The following ATP8B4 variants were observed in gnomAD, a reference collection of about 807,000 sequenced individuals.
ATP8B4 encodes probable phospholipid-transporting ATPase IM.
ATP8B4 carries 133 observed loss-of-function variants against 145.6 expected under a neutral mutation model. The ratio of observed to expected loss-of-function variants is 0.91; its 90% CI spans 0.79 to 1.05. The LOEUF (loss-of-function observed/expected upper bound fraction) is 1.05. Ranked by LOEUF, ATP8B4 falls within the 50% of genes least tolerant of loss-of-function variation. ATP8B4 has a pLI of 0.00. For synonymous variants in ATP8B4, 507 were observed against 492.9 expected (o/e 1.03, Z -0.38); for missense variants, 1,458 against 1,425.2 (o/e 1.02, Z -0.37).
At chr15:50,045,581 A>G (rs1031029456) in intron 4 of ATP8B4, among the ~76,000 whole-genome samples, 3 of 152,186 alleles carry the variant, frequency 2.0e-5, no homozygotes, top group Non-Finnish European at 4.4e-5. Flanking sequence ...TCAATTTTAC[A>G]TAGCAGCTTC....
intron 5 of ATP8B4, among the ~76,000 whole-genome samples, chr15:50,040,685 G>A (rs903813248): frequency 4.6e-5 from 7 of 152,156 alleles, no homozygotes; most frequent in African/African-American, 7.2e-5. Context: ...GCTCACTCTC[G>A]GGGAGATGCA....
intron 2 of ATP8B4, among the ~76,000 whole-genome samples, chr15:50,076,926 T>C (rs1186000851): frequency 1.3e-5 from 2 of 152,206 alleles, no homozygotes; most frequent in South Asian, 2.1e-4. Flanking sequence ...TACCACAGTG[T>C]ATGAGGGGAT....
intron 6 of ATP8B4, among the ~76,000 whole-genome samples, chr15:50,021,331 T>C (rs889364433): frequency 6.6e-6 from 1 of 152,212 alleles, no homozygotes; most frequent in Non-Finnish European, 1.5e-5. Context: ...CTTTTTATTG[T>C]TCATATAATT....
chr15:50,079,876 G>GCTACAC (rs1429080123), intron 2 of ATP8B4, among the ~76,000 whole-genome samples: 19 of 152,316 alleles, frequency 1.2e-4, no homozygotes, highest in Non-Finnish European at 2.6e-4. Context: ...CTGGAATGCT[G>GCTACAC]CTACACCGTA....
At chr15:50,071,809 T>C (rs2053756471) in intron 3 of ATP8B4, among the ~76,000 whole-genome samples, 1 of 152,178 alleles carries the variant, frequency 6.6e-6, no homozygotes, top group Non-Finnish European at 1.5e-5. Context: ...GGATTTCTTG[T>C]CTCAAGAGCA....
At chr15:49,909,338 G>C (rs933516859) in intron 20 of ATP8B4, among the ~76,000 whole-genome samples, 1 of 152,122 alleles carries the variant, frequency 6.6e-6, no homozygotes, top group Admixed American at 6.5e-5. Context: ...CTGGGGAATG[G>C]CCTGACCAGC....
At chr15:50,075,881 A>G (rs989162475) in intron 2 of ATP8B4, among the ~76,000 whole-genome samples, 2 of 152,168 alleles carry the variant, frequency 1.3e-5, no homozygotes, top group Non-Finnish European at 2.9e-5. Context: ...CATCACCATA[A>G]CCCAGAAGTA....
At position 50,104,796 on chromosome 15, in the gene ATP8B4, C is replaced by G. The variant is rs146154275; in HGVS notation, c.28+2143G>C. 1.7e-3 allele frequency among the ~76,000 whole-genome samples: 257 copies of G among 151,576 alleles called. No homozygotes were observed. In the Middle Eastern group the frequency reaches 0.031, roughly 18 times the overall value. On this transcript the variant is annotated intron_variant, in intron 2 of 27. Transcript: ENST00000284509. ...CACGCATGTTTATAGCAGCACAATT[C>G]TCAATCGCAAAAAATATGGAAGCAG...
chr15:49,914,218 C>T (rs2039511249), intron 20 of ATP8B4, among the ~76,000 whole-genome samples: 1 of 152,080 alleles, frequency 6.6e-6, no homozygotes, highest in Non-Finnish European at 1.5e-5. Flanking sequence ...TAAGTACACA[C>T]ACTAGAGAAC....
chr15:50,079,411 C>T (rs1254298406), intron 2 of ATP8B4, among the ~76,000 whole-genome samples: 1 of 152,104 alleles, frequency 6.6e-6, no homozygotes, highest in East Asian at 1.9e-4. Flanking sequence ...ACAAATGCCA[C>T]AGAATAAAGG....
At chr15:50,084,494 A>G (rs959466184) in intron 2 of ATP8B4, among the ~76,000 whole-genome samples, 6 of 152,102 alleles carry the variant, frequency 3.9e-5, no homozygotes, top group Non-Finnish European at 8.8e-5. Context: ...TCTGGTCTCA[A>G]TGCTTCTGCC....
At chr15:50,124,944 A>G (rs933524232) in intron 1 of ATP8B4, among the ~76,000 whole-genome samples, 1 of 152,234 alleles carries the variant, frequency 6.6e-6, no homozygotes, top group Non-Finnish European at 1.5e-5. Flanking sequence ...TTCATTTCCA[A>G]GTGATGAATG....
At chr15:49,897,047 A>G in intron 23 of ATP8B4, 1 of 427,846 alleles carries the variant, frequency 2.3e-6, no homozygotes, top group East Asian at 3.7e-5. Context: ...TATGCATGGA[A>G]GGAGTACTCA....
chr15:50,157,531 G>A (rs1394749099), intron 1 of ATP8B4, among the ~76,000 whole-genome samples: 2 of 152,150 alleles, frequency 1.3e-5, no homozygotes, highest in Non-Finnish European at 2.9e-5. Flanking sequence ...GTGATTAACT[G>A]AGATTTTAGT....
intron 25 of ATP8B4, among the ~76,000 whole-genome samples, chr15:49,871,779 G>T (rs182920049): frequency 6.6e-6 from 1 of 152,240 alleles, no homozygotes; most frequent in African/African-American, 2.4e-5. Context: ...TCTGCTTCTA[G>T]GCCACCATTT....
intron 20 of ATP8B4, among the ~76,000 whole-genome samples, chr15:49,905,961 C>T (rs188329185): frequency 1.2e-3 from 181 of 149,414 alleles, no homozygotes; most frequent in Middle Eastern, 6.9e-3. Context: ...CATATATATA[C>T]ACACACACAC....
intron 2 of ATP8B4, among the ~76,000 whole-genome samples, chr15:50,078,488 G>A (rs113504906): frequency 1.3e-5 from 2 of 151,716 alleles, no homozygotes; most frequent in African/African-American, 4.8e-5. Flanking sequence ...CAAGACGAAA[G>A]AACAGATTGG....
intron 7 of ATP8B4, among the ~76,000 whole-genome samples, chr15:50,005,776 A>G (rs1209628184): frequency 6.6e-6 from 1 of 152,222 alleles, no homozygotes; most frequent in Non-Finnish European, 1.5e-5. Context: ...CGAAAAACAG[A>G]AAGTATTTCA....
chr15:49,944,318 G>A (rs2042394141), intron 14 of ATP8B4, among the ~76,000 whole-genome samples: 1 of 152,118 alleles, frequency 6.6e-6, no homozygotes, highest in Non-Finnish European at 1.5e-5. Context: ...TATGCTGCCT[G>A]CAAGAAACTC....
Sources: gnomAD v4.1 joint callset for allele counts (sites outside exome capture counted in the v4.1 genomes callset) on GRCh38, gnomAD v4.1.1 for gene constraint, MANE v1.5 for transcripts, NCBI Gene and HGNC (gene_info 2026-07-23, HGNC 2026-07-21) for gene names.